The following SNW1 variants were observed in gnomAD, a reference collection of about 807,000 sequenced individuals.
SNW1 encodes the protein SNW domain containing 1.
In SNW1, 9 loss-of-function variants were observed where a neutral mutation model predicts 75.6. The observed-to-expected ratio is 0.12, with a 90% CI of 0.07 to 0.21. The LOEUF is 0.21. SNW1 is among the 10% of genes least tolerant of loss of function. SNW1 has a pLI of 1.00. For missense variants in SNW1, 409 were observed against 670.9 expected (o/e 0.61, Z 4.31); for synonymous variants, 200 against 219.1 (o/e 0.91, Z 0.77).
chr14:77,759,952 A>C (rs1477800083), intron 1 of SNW1, among the ~76,000 whole-genome samples: 6 of 152,164 alleles, frequency 3.9e-5, no homozygotes, highest in Non-Finnish European at 8.8e-5. Context: ...ACCGCATCTC[A>C]AAAAATAAAG....
chr14:77,735,848 G>T, intron 7 of SNW1, 89 bp downstream of exon 7: 1 of 856,014 alleles, frequency 1.2e-6, no homozygotes, highest in Non-Finnish European at 1.9e-6. Context: ...TCAGTGTGGT[G>T]ACATGCACCT....
intron 8 of SNW1, chr14:77,733,978 C>G: frequency 2.3e-6 from 1 of 439,978 alleles, no homozygotes; most frequent in Non-Finnish European, 4.5e-6. Flanking sequence ...AGAACCAGCT[C>G]AAGATACCAT....
In SNW1 at chr14:77,732,653, G is replaced by A. The variant is rs45553938; in HGVS notation, c.775-52C>T. 8.7e-4 allele frequency: 843 copies of A among 973,572 alleles called. 4 individuals carry two copies. The highest frequency in any genetic ancestry group is 1.1e-3 in the Non-Finnish European group (698 of 618,088). The allele number at this position is 973,572 out of a possible 1,614,324, so 60.3% of individuals were successfully genotyped here. On this transcript the variant is annotated intron_variant, in intron 8 of 13. Coordinates refer to ENST00000261531, the MANE Select transcript of SNW1 (RefSeq NM_012245.3). Reference sequence around the variant, plus strand: ...AGTCACAGAAGTGCTTCAATTAATCGTCTGAAGTTAAATTAATTTTATTTT... The same window carrying A: ...AGTCACAGAAGTGCTTCAATTAATCATCTGAAGTTAAATTAATTTTATTTT...
chr14:77,744,151 GA>G (rs1331609882), intron 3 of SNW1, among the ~76,000 whole-genome samples: 6 of 133,428 alleles, frequency 4.5e-5, no homozygotes, highest in African/African-American at 1.7e-4. Flanking sequence ...AAAAAAAAAA[GA>G]AAAAAAGAAA....
At chr14:77,758,329 A>AC (rs1431017904) in intron 1 of SNW1, among the ~76,000 whole-genome samples, 7 of 151,662 alleles carry the variant, frequency 4.6e-5, no homozygotes, top group Admixed American at 1.3e-4. Flanking sequence ...AAAAAAAAAA[A>AC]AAAAAAAGAA....
Position 77,718,522 on chromosome 14 carries a change from G to A in SNW1, c.1257C>T (p.Asp419=). The A allele has an allele frequency of 6.4e-7, 1 of 1,573,408 alleles. No individual in the cohort carries two copies. Among genetic ancestry groups the A allele is most frequent in the Non-Finnish European group, 8.6e-7 (1 of 1,158,442 alleles). Residue 419 remains aspartate (D), a synonymous_variant, in exon 13 of 14, where the codon GAC becomes GAT. Transcript: ENST00000261531. ...QRLFNQSKGM[D]SGFAGGEDEI... ...CATCTTCTCCACCTGCAAATCCACT[G>A]TCCATACCCTGTGGAAAAATGGATG...
At chr14:77,723,302 TC>T in intron 10 of SNW1, 25 bp from the exon 11 acceptor site, 1 of 1,513,538 alleles carries the variant, frequency 6.6e-7, no homozygotes, top group South Asian at 1.1e-5. Context: ...GAAAAGTACT[TC>T]ACTGTAATAT....
At chr14:77,756,356 T>G (rs2080842710) in intron 1 of SNW1, among the ~76,000 whole-genome samples, 1 of 152,046 alleles carries the variant, frequency 6.6e-6, no homozygotes, top group African/African-American at 2.4e-5. Context: ...CTCGAACTCC[T>G]GACCTCAAGT....
chr14:77,738,896 AATATC>A lies in SNW1; in HGVS notation c.427-17_427-13del. 6.2e-7 allele frequency: 1 copy of A among 1,612,196 alleles called. No homozygotes were observed. The highest frequency in any genetic ancestry group is 8.5e-7 in the Non-Finnish European group (1 of 1,178,196). ...GTCTTTTCTGTTATCTGAAATAGGAAATATCACATTGAGAGTTTGGAAGTTAATCA... is the reference window on the plus strand; with the variant it reads ...GTCTTTTCTGTTATCTGAAATAGGAAACATTGAGAGTTTGGAAGTTAATCA... On this transcript the variant is annotated splice_polypyrimidine_tract_variant and intron_variant, in intron 4 of 13. Transcript: ENST00000261531.
In SNW1 at chr14:77,718,079, G is replaced by C; in HGVS notation, c.*9C>G. 1 of 1,561,868 alleles carries C rather than the reference G, an allele frequency of 6.4e-7. No homozygotes were observed. Among genetic ancestry groups the C allele is most frequent in the South Asian group, 1.2e-5 (1 of 83,566 alleles). On this transcript the variant is annotated 3_prime_UTR_variant, in exon 14 of 14. Transcript: ENST00000261531. ...GGTAAGAGTTCATTCACTTTGGAGA[G>C]ACCTGTGCCTATTCCTTCCTCCTCT...
intron 9 of SNW1, among the ~76,000 whole-genome samples, chr14:77,731,618 C>A (rs945976090): frequency 8.5e-5 from 13 of 152,322 alleles, no homozygotes; most frequent in Non-Finnish European, 1.6e-4. Flanking sequence ...TAACTTACAT[C>A]TGCTAGATAA....
At chr14:77,734,010 A>C (rs2080649399) in intron 8 of SNW1, 1 of 390,132 alleles carries the variant, frequency 2.6e-6, no homozygotes, top group Admixed American at 3.1e-5. Context: ...ATACCAATCA[A>C]CTCAAATCAG....
intron 6 of SNW1, among the ~76,000 whole-genome samples, chr14:77,736,549 A>AAAAAACAAAAACAAAAACAAAAAC (rs35573525): frequency 4.1e-4 from 26 of 63,844 alleles, no homozygotes; most frequent in African/African-American, 1.1e-3. Flanking sequence ...ACTGTCTCTC[A>AAAAAACAAAAACAAAAACAAAAAC]AAAAACAAAA....
At chr14:77,720,600 T>G in intron 12 of SNW1, 111 bp downstream of exon 12, 1 of 813,798 alleles carries the variant, frequency 1.2e-6, no homozygotes. Flanking sequence ...CTTCCAATTT[T>G]TTTGTCATCA....
intron 8 of SNW1, among the ~76,000 whole-genome samples, chr14:77,734,598 C>T (rs373368810): frequency 2.6e-5 from 4 of 152,146 alleles, no homozygotes; most frequent in Non-Finnish European, 5.9e-5. Flanking sequence ...ATTAGCCGGA[C>T]GTGGTGGCAT....
chr14:77,738,718 T>C, intron 5 of SNW1, 60 bp downstream of exon 5: 3 of 1,247,128 alleles, frequency 2.4e-6, no homozygotes, highest in Middle Eastern at 3.8e-4. Flanking sequence ...AAGAATACCA[T>C]GACCCCCCAA....
At chr14:77,756,982 A>G (rs989389897) in intron 1 of SNW1, among the ~76,000 whole-genome samples, 1 of 152,220 alleles carries the variant, frequency 6.6e-6, no homozygotes, top group African/African-American at 2.4e-5. Flanking sequence ...TTTCTACTAA[A>G]TGGTTCTTAA....
At chr14:77,744,446 C>CAA (rs11335115) in intron 3 of SNW1, among the ~76,000 whole-genome samples, 83 of 82,912 alleles carry the variant, frequency 1.0e-3, no homozygotes, top group African/African-American at 3.1e-3. Flanking sequence ...GTCTCCATCT[C>CAA]AAAAAAAAAA....
chr14:77,732,659 A>T, intron 8 of SNW1, 58 bp from the exon 9 acceptor site: 2 of 960,882 alleles, frequency 2.1e-6, no homozygotes, highest in Non-Finnish European at 1.6e-6. Context: ...AATCGTCTGA[A>T]GTTAAATTAA....
Sources: gnomAD v4.1 joint callset for allele counts (sites outside exome capture counted in the v4.1 genomes callset) on GRCh38, gnomAD v4.1.1 for gene constraint, MANE v1.5 for transcripts, NCBI Gene and HGNC (gene_info 2026-07-23, HGNC 2026-07-21) for gene names.